ARHGEF9: variants seen among roughly 807,000 people sequenced by gnomAD.
The protein encoded by ARHGEF9 is Cdc42 guanine nucleotide exchange factor 9.
ARHGEF9 carries 2 observed loss-of-function variants against 41.3 expected under a neutral mutation model. The observed-to-expected ratio is 0.05, with a 90% confidence interval of 0.02 to 0.15. The LOEUF (loss-of-function observed/expected upper bound fraction) is 0.15, where lower values mean the gene tolerates loss of function less well. Among genes scored for constraint, ARHGEF9 ranks in the 10% least tolerant of loss-of-function variants. ARHGEF9 has a pLI of 1.00. For synonymous variants in ARHGEF9, 160 were observed against 154.4 expected (o/e 1.04, Z -0.27); for missense variants, 225 against 424.7 (o/e 0.53, Z 4.13).
At chrX:63,680,917 CCTT>C (rs1271669077) in intron 4 of ARHGEF9, among the ~76,000 whole-genome samples, 2 of 111,432 alleles carry the variant, frequency 1.8e-5, no homozygotes, top group African/African-American at 6.5e-5. Flanking sequence ...GAGCCATGTC[CCTT>C]CTTCTTCTCT....
chrX:63,703,878 G>A (rs1407234830), intron 3 of ARHGEF9, among the ~76,000 whole-genome samples: 1 of 111,399 alleles, frequency 9.0e-6, no homozygotes, highest in East Asian at 2.8e-4. Flanking sequence ...CCATGTAAAT[G>A]TGGGGTGGGG....
At chrX:63,658,504 G>T (rs2049010060) in intron 7 of ARHGEF9, among the ~76,000 whole-genome samples, 1 of 111,476 alleles carries the variant, frequency 9.0e-6, no homozygotes, top group Admixed American at 9.5e-5. Flanking sequence ...TAACCTCTCT[G>T]AGCCCCAATT....
chrX:63,765,576 T>G (rs2056100638), intron 1 of ARHGEF9, among the ~76,000 whole-genome samples: 1 of 110,949 alleles, frequency 9.0e-6, no homozygotes, highest in African/African-American at 3.3e-5. Context: ...GTGGGGTGGT[T>G]CATCATTCCC....
At chrX:63,647,551 T>C (rs2048198803) in intron 8 of ARHGEF9, among the ~76,000 whole-genome samples, 1 of 112,008 alleles carries the variant, frequency 8.9e-6, no homozygotes, top group Non-Finnish European at 1.9e-5. Context: ...TTGCATATGT[T>C]GAACCAGCCT....
intron 1 of ARHGEF9, among the ~76,000 whole-genome samples, chrX:63,734,323 T>C (rs1483599879): frequency 2.7e-5 from 3 of 112,318 alleles, no homozygotes; most frequent in African/African-American, 6.5e-5. Context: ...GCTCCCAATC[T>C]GATAAACATT....
At chrX:63,649,286 C>G (rs2048368788) in intron 8 of ARHGEF9, among the ~76,000 whole-genome samples, 1 of 111,067 alleles carries the variant, frequency 9.0e-6, no homozygotes, top group African/African-American at 3.3e-5. Flanking sequence ...TTAAGAAACT[C>G]ACTCAAAACC....
At chrX:63,722,403 G>GTTTTTTTT (rs1249596079) in intron 2 of ARHGEF9, among the ~76,000 whole-genome samples, 1 of 100,352 alleles carries the variant, frequency 1.0e-5, no homozygotes, top group Non-Finnish European at 2.0e-5. Context: ...TCTTCTTGTT[G>GTTTTTTTT]TTTTTTGTTT....
At chrX:63,656,889 T>C (rs1405705035) in intron 7 of ARHGEF9, 2 of 112,446 alleles carry the variant, frequency 1.8e-5, no homozygotes, top group African/African-American at 6.5e-5. Flanking sequence ...CTCATTATAT[T>C]ATTTTTATAT....
intron 1 of ARHGEF9, among the ~76,000 whole-genome samples, chrX:63,739,159 C>G (rs2054794928): frequency 8.9e-6 from 1 of 111,824 alleles, no homozygotes; most frequent in South Asian, 3.8e-4. Context: ...CAGCCAACCC[C>G]TTAGGCAGGT....
intron 7 of ARHGEF9, among the ~76,000 whole-genome samples, chrX:63,661,758 TTCTCTCTC>T (rs199903174): frequency 9.4e-6 from 1 of 106,157 alleles, no homozygotes; most frequent in East Asian, 3.0e-4. Flanking sequence ...TGCTCTCCTT[TTCTCTCTC>T]TCTCTCTCTC....
At chrX:63,650,149 C>G (rs1569434512) in intron 8 of ARHGEF9, among the ~76,000 whole-genome samples, 2 of 111,327 alleles carry the variant, frequency 1.8e-5, no homozygotes, top group Admixed American at 9.6e-5. Context: ...AATAGAACTA[C>G]TATATAATCC....
intron 3 of ARHGEF9, among the ~76,000 whole-genome samples, chrX:63,698,705 A>T (rs1480592661): frequency 9.0e-6 from 1 of 110,940 alleles, no homozygotes; most frequent in African/African-American, 3.3e-5. Context: ...TGACCTCTAC[A>T]ACAAATCTCA....
chrX:63,720,526 GA>G (rs1336086453), intron 2 of ARHGEF9, among the ~76,000 whole-genome samples: 1 of 112,011 alleles, frequency 8.9e-6, no homozygotes, highest in African/African-American at 3.2e-5. Flanking sequence ...CTATTCACAG[GA>G]AAAAAATAAT....
chrX:63,773,916 T>C (rs1383057534), intron 1 of ARHGEF9, among the ~76,000 whole-genome samples: 1 of 110,630 alleles, frequency 9.0e-6, no homozygotes, highest in Non-Finnish European at 1.9e-5. Context: ...ATTCACACCA[T>C]CAGTTCTTCT....
intron 3 of ARHGEF9, among the ~76,000 whole-genome samples, chrX:63,704,035 G>T (rs2052369792): frequency 9.0e-6 from 1 of 111,647 alleles, no homozygotes; most frequent in Admixed American, 9.5e-5. Flanking sequence ...GAAAGTCATA[G>T]AGGCAAGGAT....
At chrX:63,755,526 G>A (rs782034076) in intron 1 of ARHGEF9, among the ~76,000 whole-genome samples, 8 of 110,995 alleles carry the variant, frequency 7.2e-5, no homozygotes, top group Admixed American at 2.9e-4. Context: ...AAGGAGAAGA[G>A]AGGGAAGATA....
chrX:63,729,519 A>C (rs2054158030), intron 1 of ARHGEF9, among the ~76,000 whole-genome samples: 1 of 112,059 alleles, frequency 8.9e-6, no homozygotes, highest in Admixed American at 9.4e-5. Flanking sequence ...AAAACCAAGA[A>C]AAGGCCATTT....
chrX:63,665,757 C>G (rs1370850518), intron 7 of ARHGEF9, 129 bp downstream of exon 7: 2 of 880,391 alleles, frequency 2.3e-6, no homozygotes, highest in Non-Finnish European at 3.2e-6. Context: ...AGAATTGCTG[C>G]CAATCTCCTG....
chrX:63,755,338 G>C (rs2055895456), intron 1 of ARHGEF9: 1 of 661,478 alleles, frequency 1.5e-6, no homozygotes, highest in African/African-American at 2.3e-5. Flanking sequence ...CCAGACCGGC[G>C]AGAGTCACCA....
Sources: allele counts gnomAD v4.1 joint callset (sites outside exome capture counted in the v4.1 genomes callset), GRCh38; gene constraint gnomAD v4.1.1; transcripts MANE v1.5; gene names NCBI Gene and HGNC (gene_info 2026-07-23, HGNC 2026-07-21).